CSMD1: variants seen among roughly 807,000 people sequenced by gnomAD.
The protein encoded by CSMD1 is CUB and Sushi multiple domains 1, also known as CUB and sushi domain-containing protein 1.
Under a neutral mutation model 417.5 loss-of-function variants are expected in CSMD1, and 213 were observed. That is an observed-to-expected ratio of 0.51 (90% CI 0.46 to 0.57). The LOEUF (loss-of-function observed/expected upper bound fraction) is 0.57. CSMD1 is among the 20% of genes least tolerant of loss of function. CSMD1 has a pLI of 0.00. For missense variants in CSMD1, 6,923 were observed against 4,529.7 expected (o/e 1.53, Z -15.17); for synonymous variants, 2,862 against 1,736.8 (o/e 1.65, Z -16.11).
At chr8:3,310,698 G>A (rs1289742833) in intron 23 of CSMD1, among the ~76,000 whole-genome samples, 1 of 152,080 alleles carries the variant, frequency 6.6e-6, no homozygotes, top group South Asian at 2.1e-4. Flanking sequence ...ATCTTTTTGA[G>A]GGGTGAGGGC....
intron 5 of CSMD1, among the ~76,000 whole-genome samples, chr8:3,755,580 T>C (rs985276205): frequency 1.3e-5 from 2 of 152,174 alleles, no homozygotes; most frequent in African/African-American, 4.8e-5. Context: ...ACCTGATTTC[T>C]ACACAGACGA....
intron 49 of CSMD1, among the ~76,000 whole-genome samples, chr8:3,059,777 G>A (rs1405712581): frequency 2.0e-5 from 3 of 152,138 alleles, no homozygotes; most frequent in Non-Finnish European, 2.9e-5. Context: ...CTGAGTAGCT[G>A]GGACCAACAG....
chr8:3,810,407 T>C (rs41461249), intron 5 of CSMD1, among the ~76,000 whole-genome samples: 2,245 of 152,198 alleles, frequency 0.015, 47 homozygotes, highest in South Asian at 0.038. Context: ...GAGAGCTAAG[T>C]CCAAGTGTTT....
rs550261265 is a variant in CSMD1, at chr8:4,418,197, A to G, written c.415+1756T>C. Among the ~76,000 whole-genome samples the G allele has an allele frequency of 4.4e-3, 673 of 152,202 alleles. 5 individuals are homozygous for G. Among genetic ancestry groups the G allele is most frequent in the African/African-American group, 0.015 (628 of 41,542 alleles). On this transcript the variant is annotated intron_variant, in intron 3 of 69. Transcript: ENST00000635120. ...ATCAGACTATAATATCACCATTTCA[A>G]ATCGAAATACCACAAAATCATTTTC...
intron 1 of CSMD1, among the ~76,000 whole-genome samples, chr8:4,671,889 A>G (rs1043705283): frequency 6.6e-6 from 1 of 151,992 alleles, no homozygotes; most frequent in East Asian, 1.9e-4. Context: ...GAAGATAGAA[A>G]CCCTCCACTA....
At chr8:4,532,570 C>A (rs1455120528) in intron 2 of CSMD1, among the ~76,000 whole-genome samples, 1 of 140,558 alleles carries the variant, frequency 7.1e-6, no homozygotes, top group African/African-American at 2.8e-5. Context: ...AAGAGAAATC[C>A]TGCACCCCCA....
chr8:3,499,971 T>C (rs1388923752), intron 10 of CSMD1, among the ~76,000 whole-genome samples: 1 of 152,096 alleles, frequency 6.6e-6, no homozygotes, highest in Non-Finnish European at 1.5e-5. Flanking sequence ...GGTAGCTCCC[T>C]ACCCTTGGCT....
At chr8:4,720,040 A>C (rs988312964) in intron 1 of CSMD1, among the ~76,000 whole-genome samples, 1 of 152,068 alleles carries the variant, frequency 6.6e-6, no homozygotes, top group African/African-American at 2.4e-5. Context: ...TAAATATTTT[A>C]AAGAAATTAT....
At chr8:3,301,443 G>C in intron 25 of CSMD1, among the ~76,000 whole-genome samples, 1 of 152,166 alleles carries the variant, frequency 6.6e-6, no homozygotes, top group East Asian at 1.9e-4. Context: ...GAGATTATTA[G>C]TACAGAAGGA....
chr8:4,380,422 T>G (rs1803027093), intron 3 of CSMD1, among the ~76,000 whole-genome samples: 1 of 152,060 alleles, frequency 6.6e-6, no homozygotes, highest in African/African-American at 2.4e-5. Context: ...AACATCACAA[T>G]CAAGAGAATT....
Position 2,955,706 on chromosome 8 carries a change from T to C in CSMD1, c.9877A>G (p.Thr3293Ala). 1 of 1,613,920 alleles carries C rather than the reference T, an allele frequency of 6.2e-7. No homozygotes were observed. Among genetic ancestry groups the C allele is most frequent in the Non-Finnish European group, 8.5e-7 (1 of 1,179,834 alleles). ...HADVRAIDLP[T>A]FGYTLVYTCH... Reference sequence around the variant, plus strand: ...GTGTACACTAAGGTGTAGCCGAAAGTAGGAAGATCGATGGCTCTCACATCC... The same window carrying C: ...GTGTACACTAAGGTGTAGCCGAAAGCAGGAAGATCGATGGCTCTCACATCC... The change falls in exon 64 of 70, where the codon ACT (threonine) becomes GCT (alanine). Residue 3293 changes from threonine (T) to alanine (A), a missense_variant. Physicochemically the swap from Thr to Ala is moderately conservative, Grantham distance 58. Transcript: ENST00000635120.
chr8:4,086,525 TC>T (rs1383029073), intron 3 of CSMD1, among the ~76,000 whole-genome samples: 2 of 152,198 alleles, frequency 1.3e-5, no homozygotes, highest in South Asian at 4.1e-4. Flanking sequence ...ACTGGTCAAC[TC>T]CCAATTTGTC....
intron 49 of CSMD1, among the ~76,000 whole-genome samples, chr8:3,079,062 T>C (rs574416710): frequency 6.6e-6 from 1 of 152,278 alleles, no homozygotes; most frequent in African/African-American, 2.4e-5. Flanking sequence ...ATGCTGGGGA[T>C]GGGAGGAATC....
intron 21 of CSMD1, among the ~76,000 whole-genome samples, chr8:3,357,660 T>G (rs1808882545): frequency 6.6e-6 from 1 of 152,212 alleles, no homozygotes; most frequent in South Asian, 2.1e-4. Context: ...GATGTCACCT[T>G]GATTTCATTG....
At chr8:4,121,634 A>T (rs925531358) in intron 3 of CSMD1, among the ~76,000 whole-genome samples, 4 of 146,806 alleles carry the variant, frequency 2.7e-5, no homozygotes, top group Admixed American at 6.8e-5. Context: ...AAAAAAAAAA[A>T]GAAGTGGGAA....
intron 2 of CSMD1, among the ~76,000 whole-genome samples, chr8:4,464,729 G>A (rs559262129): frequency 6.6e-6 from 1 of 152,220 alleles, no homozygotes; most frequent in South Asian, 2.1e-4. Context: ...TACACTGATT[G>A]GATCATCAGC....
At chr8:4,934,738 ACTAT>A (rs1308123214) in intron 1 of CSMD1, among the ~76,000 whole-genome samples, 6 of 151,988 alleles carry the variant, frequency 3.9e-5, no homozygotes, top group East Asian at 1.9e-4. Context: ...ATATCTATAA[ACTAT>A]CTATATCTAT....
chr8:3,004,716 A>G (rs371865980), intron 52 of CSMD1, among the ~76,000 whole-genome samples: 1 of 152,340 alleles, frequency 6.6e-6, no homozygotes, highest in East Asian at 1.9e-4. Context: ...GAGAACAGGT[A>G]TGACTGTGGA....
At chr8:3,698,100 T>C (rs949596681) in intron 7 of CSMD1, among the ~76,000 whole-genome samples, 4 of 152,218 alleles carry the variant, frequency 2.6e-5, no homozygotes, top group Non-Finnish European at 5.9e-5. Flanking sequence ...GAATAATTGA[T>C]GAAACATCTT....
Sources: allele counts gnomAD v4.1 joint callset (sites outside exome capture counted in the v4.1 genomes callset), GRCh38; gene constraint gnomAD v4.1.1; transcripts MANE v1.5; gene names NCBI Gene and HGNC (gene_info 2026-07-23, HGNC 2026-07-21).